Variants in TRIM33 observed in about 807,000 individuals in gnomAD.
The protein encoded by TRIM33 is E3 ubiquitin-protein ligase TRIM33.
Under a neutral mutation model 125.4 loss-of-function variants are expected in TRIM33, and 20 were observed. The observed-to-expected ratio is 0.16, with a 90% CI of 0.11 to 0.23. The LOEUF is 0.23. Among genes scored for constraint, TRIM33 ranks in the 10% least tolerant of loss-of-function variants. The pLI is 1.00. For missense variants in TRIM33, 920 were observed against 1,411.4 expected, an observed-to-expected ratio of 0.65 and a Z score of 5.58; for synonymous variants, 564 against 513.9, an observed-to-expected ratio of 1.10 and a Z score of -1.32.
Position 114,395,770 on chromosome 1 carries a change from G to T in TRIM33, c.*1878C>A. 5.3e-6 allele frequency: 1 copy of T among 189,252 alleles called. No individual in the cohort carries two copies. The highest frequency in any genetic ancestry group is 1.9e-3 in the Middle Eastern group (1 of 526). 11.7% of individuals were successfully genotyped at this position (189,252 alleles called of 1,614,324 possible). A position where few individuals can be genotyped will look rare whatever the true frequency, so the allele number is the denominator to read the frequency against. On this transcript the variant is annotated 3_prime_UTR_variant, in exon 20 of 20. Coordinates refer to ENST00000358465, the MANE Select transcript of TRIM33 (RefSeq NM_015906.4). ...TTAAATTATTTTTTAAAAATTGAAA[G>T]AAAAGTGAAAAGGAAGCCAGGAATA...
intron 1 of TRIM33, among the ~76,000 whole-genome samples, chr1:114,486,498 G>T (rs1222214090): frequency 2.3e-5 from 3 of 128,690 alleles, no homozygotes; most frequent in East Asian, 2.4e-4. Context: ...GTGGCACCAA[G>T]ATCACACCAC....
chr1:114,472,671 G>C (rs1650722476), intron 1 of TRIM33, among the ~76,000 whole-genome samples: 1 of 152,110 alleles, frequency 6.6e-6, no homozygotes, highest in Non-Finnish European at 1.5e-5. Flanking sequence ...TCAAGCTGCA[G>C]TGAGCAGTGA....
At chr1:114,426,788 C>A (rs1412044840) in intron 8 of TRIM33, among the ~76,000 whole-genome samples, 1 of 152,176 alleles carries the variant, frequency 6.6e-6, no homozygotes, top group Non-Finnish European at 1.5e-5. Context: ...CTACTGGACA[C>A]ATTAGCATCC....
chr1:114,507,439 G>T (rs564166158), intron 1 of TRIM33, among the ~76,000 whole-genome samples: 4 of 152,306 alleles, frequency 2.6e-5, no homozygotes, highest in African/African-American at 9.6e-5. Context: ...AGGCAGGAGG[G>T]CATTATACTC....
chr1:114,435,710 T>C (rs1648233598), intron 4 of TRIM33, among the ~76,000 whole-genome samples: 1 of 151,852 alleles, frequency 6.6e-6, no homozygotes, highest in African/African-American at 2.4e-5. Context: ...TGGTAAAATA[T>C]ACGTAGTAAA....
At chr1:114,466,675 C>A (rs988919828) in intron 1 of TRIM33, among the ~76,000 whole-genome samples, 4 of 152,208 alleles carry the variant, frequency 2.6e-5, no homozygotes, top group African/African-American at 9.6e-5. Flanking sequence ...TGTATTGTCC[C>A]ACATTGTTGC....
In TRIM33 at chr1:114,425,665, C is replaced by T. The variant is rs768494177; in HGVS notation, c.1479G>A (p.Gly493=). The T allele has an allele frequency of 2.5e-6, 4 of 1,614,074 alleles. No homozygotes were observed. In the Admixed American group the frequency reaches 5.0e-5, roughly 20 times the overall value. The change falls in exon 9 of 20, where the codon GGG becomes GGA. Residue 493 remains glycine (G), a synonymous_variant. Coordinates refer to ENST00000358465, the MANE Select transcript of TRIM33 (RefSeq NM_015906.4). ...APGYTPNVVV[G]QVPPGTNHIS... ...TGTGGTTTGTCCCTGGAGGAACTTGCCCAACTACAACATTAGGAGTATAAC... is the reference window on the plus strand; with the variant it reads ...TGTGGTTTGTCCCTGGAGGAACTTGTCCAACTACAACATTAGGAGTATAAC...
intron 11 of TRIM33, among the ~76,000 whole-genome samples, chr1:114,420,709 CTA>C (rs1653230993): frequency 6.6e-6 from 1 of 152,176 alleles, no homozygotes; most frequent in South Asian, 2.1e-4. Flanking sequence ...ATGCTCTGAT[CTA>C]TGTTATAGAA....
chr1:114,427,316 A>C, intron 7 of TRIM33, 22 bp from the exon 8 acceptor site: 1 of 1,229,608 alleles, frequency 8.1e-7, no homozygotes, highest in Non-Finnish European at 1.2e-6. Flanking sequence ...AAAAATCCAC[A>C]TTAGTCTCAA....
intron 4 of TRIM33, among the ~76,000 whole-genome samples, chr1:114,437,730 G>A (rs888034664): frequency 6.6e-6 from 1 of 152,114 alleles, no homozygotes; most frequent in Admixed American, 6.6e-5. Context: ...TGTATGCCCA[G>A]GATTTAGTTA....
At chr1:114,467,574 A>T (rs1226941282) in intron 1 of TRIM33, among the ~76,000 whole-genome samples, 1 of 152,158 alleles carries the variant, frequency 6.6e-6, no homozygotes, top group Admixed American at 6.5e-5. Flanking sequence ...CAAATTTAGG[A>T]GACAGCTTTC....
At chr1:114,489,366 T>C (rs983508309) in intron 1 of TRIM33, among the ~76,000 whole-genome samples, 29 of 152,192 alleles carry the variant, frequency 1.9e-4, no homozygotes, top group Non-Finnish European at 3.7e-4. Context: ...GAATACATCT[T>C]CATGACCTTG....
chr1:114,477,419 T>C (rs191967971), intron 1 of TRIM33, among the ~76,000 whole-genome samples: 11 of 151,852 alleles, frequency 7.2e-5, no homozygotes, highest in African/African-American at 2.7e-4. Context: ...AGAGGCAATA[T>C]ACAAAATTAT....
intron 11 of TRIM33, among the ~76,000 whole-genome samples, chr1:114,415,552 T>C (rs1221048741): frequency 1.3e-5 from 2 of 151,464 alleles, no homozygotes; most frequent in African/African-American, 4.9e-5. Flanking sequence ...AAGTTTATTC[T>C]CTGACTTCCA....
intron 15 of TRIM33, among the ~76,000 whole-genome samples, chr1:114,403,545 AT>A (rs1204686185): frequency 6.6e-6 from 1 of 150,860 alleles, no homozygotes; most frequent in African/African-American, 2.4e-5. Context: ...AGATTTTTCT[AT>A]TTTTTTTGAG....
intron 4 of TRIM33, among the ~76,000 whole-genome samples, chr1:114,447,588 T>A (rs1313371431): frequency 6.6e-6 from 1 of 152,186 alleles, no homozygotes; most frequent in Non-Finnish European, 1.5e-5. Context: ...AATATAAATT[T>A]GGAAATCAAT....
At chr1:114,499,002 C>A (rs185213556) in intron 1 of TRIM33, among the ~76,000 whole-genome samples, 2 of 152,120 alleles carry the variant, frequency 1.3e-5, no homozygotes, top group Admixed American at 1.3e-4. Flanking sequence ...ATAAAAAGAT[C>A]TCAAGAAGAG....
intron 1 of TRIM33, among the ~76,000 whole-genome samples, chr1:114,494,714 C>A (rs1054091869): frequency 3.6e-4 from 55 of 152,144 alleles, no homozygotes; most frequent in Admixed American, 3.4e-3. Context: ...TTGGACTTTA[C>A]CGGTTCTCAC....
intron 18 of TRIM33, 64 bp downstream of exon 18, chr1:114,399,393 A>G: frequency 6.6e-7 from 1 of 1,506,924 alleles, no homozygotes; most frequent in Non-Finnish European, 9.0e-7. Context: ...TCAGCAGAAA[A>G]ATAAAACAAG....
Sources: allele counts gnomAD v4.1 joint callset (sites outside exome capture counted in the v4.1 genomes callset), GRCh38; gene constraint gnomAD v4.1.1; transcripts MANE v1.5; gene names NCBI Gene and HGNC (gene_info 2026-07-23, HGNC 2026-07-21).